IL1RL2: variants seen among roughly 807,000 people sequenced by gnomAD.
IL1RL2 encodes interleukin-1 receptor-like 2.
Under a neutral mutation model 66.8 loss-of-function variants are expected in IL1RL2, and 68 were observed. The ratio of observed to expected loss-of-function variants is 1.02; its 90% CI spans 0.84 to 1.25. The LOEUF is 1.25. Ranked by LOEUF, IL1RL2 falls within the 50% of genes most tolerant of loss-of-function variation. The probability of loss-of-function intolerance (pLI) is 0.00; values close to 1 mark genes in which losing one functional copy is unlikely to be tolerated. For synonymous variants in IL1RL2, 305 were observed against 264.6 expected (o/e 1.15, Z -1.48); for missense variants, 729 against 709.3 (o/e 1.03, Z -0.32).
intron 4 of IL1RL2, among the ~76,000 whole-genome samples, chr2:102,196,479 T>A (rs1450139488): frequency 6.6e-6 from 1 of 152,204 alleles, no homozygotes; most frequent in African/African-American, 2.4e-5. Flanking sequence ...GAATCAATTC[T>A]GCAATATCTG....
At chr2:102,242,441 G>A (rs1171841718), downstream of IL1RL2, among the ~76,000 whole-genome samples, 1 of 152,160 alleles carries the variant, frequency 6.6e-6, no homozygotes, top group Non-Finnish European at 1.5e-5. Flanking sequence ...TCCACTCTCT[G>A]TGGGCTGGAG....
At chr2:102,222,689 A>G (rs1690245802) in intron 8 of IL1RL2, among the ~76,000 whole-genome samples, 1 of 152,174 alleles carries the variant, frequency 6.6e-6, no homozygotes, top group African/African-American at 2.4e-5. Flanking sequence ...GTCAGTGAGG[A>G]CAGGTTGAAA....
In IL1RL2 at chr2:102,201,498, G is replaced by A. The variant is rs1267338579; in HGVS notation, c.490-58G>A. The stretch of plus-strand genomic sequence containing the variant: ...TAGACTGTAAATTACCTAAATACTA[G>A]GGATCACACAGGTTTCTAAGTATTC... On this transcript the variant is annotated intron_variant, in intron 4 of 11. Coordinates refer to ENST00000264257, the MANE Select transcript of IL1RL2 (RefSeq NM_003854.4). The A allele has an allele frequency of 9.3e-6, 14 of 1,504,024 alleles. No individual in the cohort carries two copies. In the South Asian group the frequency reaches 1.4e-4, roughly 15 times the overall value. 93.2% of individuals were successfully genotyped at this position (1,504,024 alleles called of 1,614,324 possible). A position where few individuals can be genotyped will look rare whatever the true frequency, so the allele number is the denominator to read the frequency against.
chr2:102,202,300 T>C (rs1487156959), intron 5 of IL1RL2, among the ~76,000 whole-genome samples: 5 of 152,000 alleles, frequency 3.3e-5, no homozygotes, highest in Admixed American at 3.3e-4. Context: ...TTTAATTTAA[T>C]TTTTTTAATT....
At chr2:102,211,735 C>G (rs902709311) in intron 5 of IL1RL2, among the ~76,000 whole-genome samples, 47 of 152,308 alleles carry the variant, frequency 3.1e-4, no homozygotes, top group African/African-American at 1.1e-3. Context: ...GTTACTATTT[C>G]TCTCAAGCTA....
At chr2:102,211,968 A>T (rs985757326) in intron 5 of IL1RL2, 132 bp from the exon 6 acceptor site, 5 of 534,180 alleles carry the variant, frequency 9.4e-6, no homozygotes, top group Admixed American at 6.6e-5. Flanking sequence ...GAAAATGTGT[A>T]TTTATGGAGT....
chr2:102,229,955 T>G (rs1403983652), intron 9 of IL1RL2, among the ~76,000 whole-genome samples: 1 of 152,242 alleles, frequency 6.6e-6, no homozygotes, highest in Non-Finnish European at 1.5e-5. Context: ...ACACAAGGTT[T>G]GTTTGTTTGT....
intron 5 of IL1RL2, among the ~76,000 whole-genome samples, chr2:102,203,372 G>A (rs1688437435): frequency 6.7e-6 from 1 of 150,118 alleles, no homozygotes; most frequent in Admixed American, 6.6e-5. Context: ...GTCTTTGTCT[G>A]GTTTTGGTAT....
At chr2:102,194,695 T>C (rs1352071140) in intron 4 of IL1RL2, among the ~76,000 whole-genome samples, 2 of 150,370 alleles carry the variant, frequency 1.3e-5, no homozygotes, top group African/African-American at 2.4e-5. Context: ...AATTTTCTTA[T>C]TGGCACTTGG....
At chr2:102,201,745 T>A in intron 5 of IL1RL2, 30 bp downstream of exon 5, 1 of 1,599,022 alleles carries the variant, frequency 6.3e-7, no homozygotes, top group Non-Finnish European at 8.5e-7. Flanking sequence ...CCTGTCGCCT[T>A]GTATTCTCTT....
intron 4 of IL1RL2, among the ~76,000 whole-genome samples, chr2:102,196,847 C>T (rs549540694): frequency 1.3e-5 from 2 of 152,234 alleles, no homozygotes; most frequent in South Asian, 2.1e-4. Context: ...AAATAAACAC[C>T]ATTTATGCCA....
Position 102,191,922 on chromosome 2 carries a change from CA to C in IL1RL2, c.294-2del. The C allele has an allele frequency of 6.3e-7, 1 of 1,585,324 alleles. No homozygotes were observed. Among genetic ancestry groups the C allele is most frequent in the Non-Finnish European group, 8.6e-7 (1 of 1,161,630 alleles). On this transcript the variant is annotated splice_acceptor_variant, in intron 3 of 11. Transcript: ENST00000264257. LOFTEE classifies it high-confidence loss of function. ...GTTTATGAGGTCTCAATCTGTCTTA[CA>C]GGGGTAGAGACAGCTGTCATAGAAT...
intron 11 of IL1RL2, chr2:102,235,735 C>A (rs1674820782): frequency 1.0e-6 from 1 of 985,340 alleles, no homozygotes; most frequent in Non-Finnish European, 1.2e-6. Context: ...TTGTCCACGC[C>A]TGTCCAGTGT....
chr2:102,240,349 C>A (rs1477949357), downstream of IL1RL2, among the ~76,000 whole-genome samples: 2 of 124,046 alleles, frequency 1.6e-5, no homozygotes, highest in African/African-American at 3.1e-5. Context: ...CTCCAAATTT[C>A]TTCTTCTCCT....
At chr2:102,230,361 G>C (rs139535936) in intron 9 of IL1RL2, among the ~76,000 whole-genome samples, 7 of 152,184 alleles carry the variant, frequency 4.6e-5, no homozygotes, top group African/African-American at 1.7e-4. Context: ...CGGTGGCCCT[G>C]ATCAGTGACC....
At chr2:102,214,296 A>G (rs1326729265) in intron 6 of IL1RL2, among the ~76,000 whole-genome samples, 1 of 152,184 alleles carries the variant, frequency 6.6e-6, no homozygotes, top group Non-Finnish European at 1.5e-5. Flanking sequence ...AGAAATTTTG[A>G]GAAAATTAAG....
At chr2:102,214,682 A>G (rs1409073541) in intron 6 of IL1RL2, among the ~76,000 whole-genome samples, 1 of 152,112 alleles carries the variant, frequency 6.6e-6, no homozygotes, top group Non-Finnish European at 1.5e-5. Context: ...AAAACTTGTC[A>G]AAACATGTCT....
At chr2:102,239,149 C>T (rs747966974) in intron 11 of IL1RL2, 43 bp from the exon 12 acceptor site, 10 of 1,591,856 alleles carry the variant, frequency 6.3e-6, no homozygotes, top group Admixed American at 5.0e-5. Flanking sequence ...CCCCATCTCC[C>T]ACCACATCAG....
chr2:102,239,379 G>GAGGAGGAT lies in IL1RL2; in HGVS notation c.*139_*146dup. The GAGGAGGAT allele has an allele frequency of 1.3e-6, 1 of 766,738 alleles. No homozygotes were observed. Among genetic ancestry groups the GAGGAGGAT allele is most frequent in the South Asian group, 1.5e-5 (1 of 67,664 alleles). 47.5% of individuals were successfully genotyped at this position (766,738 alleles called of 1,614,324 possible). A position where few individuals can be genotyped will look rare whatever the true frequency, so the allele number is the denominator to read the frequency against. On this transcript the variant is annotated 3_prime_UTR_variant, in exon 12 of 12. Transcript: ENST00000264257. ...CCCAGTTGAGCTCAGGCGTAGAGAA[G>GAGGAGGAT]AGGAGGATGGGATAAGAACTGGGGC...
Sources: allele counts gnomAD v4.1 joint callset (sites outside exome capture counted in the v4.1 genomes callset), GRCh38; gene constraint gnomAD v4.1.1; transcripts MANE v1.5; gene names NCBI Gene and HGNC (gene_info 2026-07-23, HGNC 2026-07-21).